Variants in CIBAR1 observed in about 807,000 individuals in gnomAD.
CIBAR1 encodes the protein CBY1-interacting BAR domain-containing protein 1.
In CIBAR1, 25 loss-of-function variants were observed where a neutral mutation model predicts 44.0. That is an observed-to-expected ratio of 0.57 (90% CI 0.41 to 0.79). The LOEUF (loss-of-function observed/expected upper bound fraction) is 0.79, where lower values mean the gene tolerates loss of function less well. Ranked by LOEUF, CIBAR1 falls within the 30% of genes least tolerant of loss-of-function variation. The pLI is 0.00. For synonymous variants in CIBAR1, 115 were observed against 119.0 expected (o/e 0.97, Z 0.22); for missense variants, 278 against 344.8 (o/e 0.81, Z 1.53).
intron 6 of CIBAR1, among the ~76,000 whole-genome samples, chr8:93,714,545 C>T (rs146315634): frequency 1.4e-3 from 220 of 152,208 alleles, no homozygotes; most frequent in Non-Finnish European, 2.6e-3. Context: ...GCTTCCTTTC[C>T]AAGTAAAGCC....
At chr8:93,723,922 C>G (rs1448444508) in intron 7 of CIBAR1, among the ~76,000 whole-genome samples, 1 of 152,102 alleles carries the variant, frequency 6.6e-6, no homozygotes, top group African/African-American at 2.4e-5. Flanking sequence ...CAGTCAAGAG[C>G]CACAAAAAGT....
At chr8:93,728,069 A>T (rs1468236693) in intron 8 of CIBAR1, 136 bp from the exon 9 acceptor site, 14 of 476,244 alleles carry the variant, frequency 2.9e-5, no homozygotes, top group Non-Finnish European at 3.3e-5. Flanking sequence ...GGGAATTTTC[A>T]CTACTAAAAA....
chr8:93,714,261 A>G (rs1056412542), intron 6 of CIBAR1, among the ~76,000 whole-genome samples: 2 of 152,096 alleles, frequency 1.3e-5, no homozygotes, highest in African/African-American at 4.8e-5. Flanking sequence ...TCATTTTCAG[A>G]TTGTCACAAA....
rs1810347454 is a variant in CIBAR1 at position 93,701,385 on chromosome 8, C to G, written c.188C>G (p.Thr63Ser). ...NEINAYAATETPHLKLGLMNF... is the reference protein window; with the variant it reads ...NEINAYAATESPHLKLGLMNF... Reference sequence around the variant, plus strand: ...ATTAACGCGTATGCTGCTACAGAGACCCCGCATTTAAAGCTGGGCCTGATG... The same window carrying G: ...ATTAACGCGTATGCTGCTACAGAGAGCCCGCATTTAAAGCTGGGCCTGATG... The change falls in exon 2 of 9, where the codon ACC becomes AGC. Residue 63 changes from threonine to serine, a missense_variant. Thr to Ser is a moderately conservative substitution (Grantham distance 58). Around this residue, in one of 3 missense-constraint regions of CIBAR1, gnomAD observed 183 missense variants for 218.6 expected, o/e 0.84. Transcript: ENST00000518322. The G allele has an allele frequency of 6.2e-7, 1 of 1,613,770 alleles. No individual in the cohort carries two copies. Among genetic ancestry groups the G allele is most frequent in the African/African-American group, 1.3e-5 (1 of 74,978 alleles).
intron 4 of CIBAR1, chr8:93,707,271 T>C: frequency 2.4e-6 from 1 of 418,804 alleles, no homozygotes; most frequent in Non-Finnish European, 4.7e-6. Flanking sequence ...AAAATGGATG[T>C]GTTACTTTAG....
rs775226763 is a variant in CIBAR1 at position 93,701,412 on chromosome 8, A to T, written c.215A>T (p.Asn72Ile). 6.2e-7 allele frequency: 1 copy of T among 1,613,716 alleles called. No homozygotes were observed. The change falls in exon 2 of 9, where the codon AAC (asparagine) becomes ATC (isoleucine). Residue 72 changes from asparagine (N) to isoleucine (I), a missense_variant. Asn to Ile is a moderately radical substitution (Grantham distance 149). Coordinates refer to ENST00000518322, the MANE Select transcript of CIBAR1 (RefSeq NM_145269.5). ...ETPHLKLGLM[N>I]FADEFAKLQD... ...CCGCATTTAAAGCTGGGCCTGATGA[A>T]CTTTGCAGATGAGTTTGCCAAACTT...
chr8:93,724,888 ATAGT>A (rs1811414500), intron 7 of CIBAR1, among the ~76,000 whole-genome samples: 1 of 152,102 alleles, frequency 6.6e-6, no homozygotes, highest in Admixed American at 6.5e-5. Flanking sequence ...AGAGCAGGAG[ATAGT>A]TGGGAGCATG....
At chr8:93,726,534 T>G (rs941048235) in intron 8 of CIBAR1, 21 bp downstream of exon 8, 2 of 1,611,728 alleles carry the variant, frequency 1.2e-6, no homozygotes, top group African/African-American at 2.7e-5. Flanking sequence ...AACCGTACTC[T>G]AAAGGAATTT....
At chr8:93,715,388 T>C (rs957997370) in intron 6 of CIBAR1, 4 of 152,234 alleles carry the variant, frequency 2.6e-5, no homozygotes, top group Non-Finnish European at 5.9e-5. Flanking sequence ...TTAATTTTTA[T>C]AGCTTTATTT....
In CIBAR1 at chr8:93,728,878, AAAG is replaced by A. The variant is rs1232716985; in HGVS notation, c.*582_*584del. On this transcript the variant is annotated 3_prime_UTR_variant, in exon 9 of 9. Coordinates refer to ENST00000518322, the MANE Select transcript of CIBAR1 (RefSeq NM_145269.5). Reference sequence around the variant, plus strand: ...ATAAGGCATAAATTTCAGCTGTAAAAAAGCTACATTCAATCTGACTCTGGTTTT... The same window carrying A: ...ATAAGGCATAAATTTCAGCTGTAAAACTACATTCAATCTGACTCTGGTTTT... 1 of 152,102 alleles carries A rather than the reference AAAG, an allele frequency of 6.6e-6. No individual in the cohort carries two copies. Among genetic ancestry groups the A allele is most frequent in the African/African-American group, 2.4e-5 (1 of 41,446 alleles). The allele number at this position is 152,102 out of a possible 1,614,324, so 9.4% of individuals were successfully genotyped here.
chr8:93,700,954 C>G (rs1392092482), intron 1 of CIBAR1: 2 of 1,374,000 alleles, frequency 1.5e-6, no homozygotes, highest in African/African-American at 3.0e-5. Flanking sequence ...AGCCGGGCGC[C>G]CAGGCCGCGC....
intron 5 of CIBAR1, among the ~76,000 whole-genome samples, chr8:93,709,294 TAAAA>T (rs1271401493): frequency 1.3e-5 from 2 of 151,812 alleles, no homozygotes; most frequent in African/African-American, 4.8e-5. Context: ...AAAAAATAAA[TAAAA>T]AAGAGATAAT....
At chr8:93,712,161 C>T (rs537105677) in intron 6 of CIBAR1, among the ~76,000 whole-genome samples, 1 of 152,324 alleles carries the variant, frequency 6.6e-6, no homozygotes, top group East Asian at 1.9e-4. Context: ...AGATATATAT[C>T]ACCACTCAAT....
intron 6 of CIBAR1, among the ~76,000 whole-genome samples, chr8:93,710,806 C>T (rs1162168218): frequency 6.9e-6 from 1 of 144,606 alleles, no homozygotes; most frequent in Non-Finnish European, 1.5e-5. Context: ...CACTGCACTC[C>T]AGCCTGGGTG....
At chr8:93,726,040 G>T (rs1811481052) in intron 7 of CIBAR1, 1 of 188,662 alleles carries the variant, frequency 5.3e-6, no homozygotes. Flanking sequence ...TAAGAGTTGA[G>T]AATTTGCAGA....
At chr8:93,726,329 CTTAA>C (rs1811498988) in intron 7 of CIBAR1, 61 bp from the exon 8 acceptor site, 1 of 1,375,486 alleles carries the variant, frequency 7.3e-7, no homozygotes, top group Admixed American at 2.9e-5. Context: ...AACTAAGGAA[CTTAA>C]TTTGACTGTC....
At chr8:93,723,836 G>T (rs981351282) in intron 7 of CIBAR1, among the ~76,000 whole-genome samples, 2 of 152,130 alleles carry the variant, frequency 1.3e-5, no homozygotes, top group Admixed American at 6.5e-5. Flanking sequence ...AGTAATTCTT[G>T]AAGGACAGTT....
At chr8:93,723,007 A>AT (rs1445042683) in intron 7 of CIBAR1, among the ~76,000 whole-genome samples, 1 of 151,862 alleles carries the variant, frequency 6.6e-6, no homozygotes, top group Non-Finnish European at 1.5e-5. Flanking sequence ...TTATTTATTT[A>AT]TTTTTTTGAG....
At chr8:93,726,326 G>T in intron 7 of CIBAR1, 68 bp from the exon 8 acceptor site, 30 of 1,364,122 alleles carry the variant, frequency 2.2e-5, no homozygotes, top group South Asian at 8.1e-5. Flanking sequence ...CTTAACTAAG[G>T]AACTTAATTT....
Sources: gnomAD v4.1 joint callset for allele counts (sites outside exome capture counted in the v4.1 genomes callset) on GRCh38, gnomAD v4.1.1 for gene constraint, gnomAD v4.1.1 regional missense constraint, MANE v1.5 for transcripts, NCBI Gene and HGNC (gene_info 2026-07-23, HGNC 2026-07-21) for gene names.